The following ZMAT4 variants were observed in gnomAD, a reference collection of about 807,000 sequenced individuals.
ZMAT4 encodes zinc finger matrin-type 4.
A neutral mutation model predicts 28.7 loss-of-function variants in ZMAT4; 17 were observed. The ratio of observed to expected loss-of-function variants is 0.59; its 90% CI spans 0.41 to 0.89. ZMAT4 has a LOEUF of 0.89. ZMAT4 is among the 40% of genes least tolerant of loss of function. The probability of loss-of-function intolerance (pLI) is 0.00; values close to 1 mark genes in which losing one functional copy is unlikely to be tolerated. For synonymous variants in ZMAT4, 117 were observed against 109.2 expected (o/e 1.07, Z -0.44); for missense variants, 240 against 283.8 (o/e 0.85, Z 1.11).
At chr8:40,741,404 G>T (rs552282869) in intron 3 of ZMAT4, among the ~76,000 whole-genome samples, 25 of 149,252 alleles carry the variant, frequency 1.7e-4, no homozygotes, top group African/African-American at 5.7e-4. Flanking sequence ...CCTAAATTGC[G>T]CTACTTCACT....
intron 3 of ZMAT4, among the ~76,000 whole-genome samples, chr8:40,729,675 A>C (rs899065584): frequency 6.6e-6 from 1 of 150,398 alleles, no homozygotes; most frequent in African/African-American, 2.4e-5. Context: ...GCCCACTACA[A>C]CCTCCACCTC....
At chr8:40,777,693 C>T (rs145788475) in intron 2 of ZMAT4, among the ~76,000 whole-genome samples, 15 of 152,246 alleles carry the variant, frequency 9.9e-5, no homozygotes, top group African/African-American at 2.4e-4. Context: ...CCACTGATTT[C>T]GAGTGAGGTT....
intron 4 of ZMAT4, among the ~76,000 whole-genome samples, chr8:40,678,632 C>T (rs1809011281): frequency 6.6e-6 from 1 of 152,182 alleles, no homozygotes; most frequent in Admixed American, 6.5e-5. Context: ...TTAAATACCA[C>T]CTTGTAACCT....
chr8:40,708,646 A>ATTT lies in ZMAT4; in HGVS notation c.193-11248_193-11246dup, dbSNP rs11446729. On this transcript the variant is annotated intron_variant, in intron 3 of 6. Coordinates refer to ENST00000297737, the MANE Select transcript of ZMAT4 (RefSeq NM_024645.3). ...CTGTTAAGTTAGGAAAGCAATCTTG[A>ATTT]TTTTTTTTTTTTTTTTTGAGAGTGA... is the stretch of plus-strand genomic sequence containing the variant. Among the ~76,000 whole-genome samples the ATTT allele has an allele frequency of 7.4e-4, 73 of 98,368 alleles. 2 individuals carry two copies. Among genetic ancestry groups the ATTT allele is most frequent in the African/African-American group, 2.4e-3 (61 of 25,624 alleles). The allele number at this position is 98,368 out of a possible 152,430, so 64.5% of individuals were successfully genotyped here.
intron 6 of ZMAT4, among the ~76,000 whole-genome samples, chr8:40,532,860 G>C (rs1308733146): frequency 6.6e-6 from 1 of 151,980 alleles, no homozygotes; most frequent in Non-Finnish European, 1.5e-5. Context: ...GCTGGGCATG[G>C]TAGCATGCCT....
intron 3 of ZMAT4, among the ~76,000 whole-genome samples, chr8:40,741,266 G>A (rs951948586): frequency 4.6e-5 from 7 of 152,094 alleles, no homozygotes; most frequent in South Asian, 2.1e-4. Flanking sequence ...CTAACATGGC[G>A]AAACTCCATC....
At chr8:40,885,137 A>G (rs1046992714) in intron 1 of ZMAT4, among the ~76,000 whole-genome samples, 2 of 152,086 alleles carry the variant, frequency 1.3e-5, no homozygotes, top group African/African-American at 4.8e-5. Context: ...CCAAAACACA[A>G]CTATCTAGTG....
chr8:40,687,614 A>G (rs1265882180), intron 4 of ZMAT4, among the ~76,000 whole-genome samples: 2 of 152,150 alleles, frequency 1.3e-5, no homozygotes, highest in African/African-American at 2.4e-5. Context: ...GGTTTCATCA[A>G]TTGTATGGAC....
intron 5 of ZMAT4, 65 bp from the exon 6 acceptor site, chr8:40,581,326 C>T: frequency 7.3e-7 from 1 of 1,375,128 alleles, no homozygotes; most frequent in South Asian, 1.2e-5. Context: ...TGAATCCTAG[C>T]ATCTCCAGAA....
chr8:40,598,574 T>C (rs1805182576), intron 5 of ZMAT4, among the ~76,000 whole-genome samples: 1 of 152,174 alleles, frequency 6.6e-6, no homozygotes, highest in Admixed American at 6.5e-5. Flanking sequence ...TAGTATTCCA[T>C]GGTGTATGTG....
chr8:40,555,442 C>T (rs772542579), intron 6 of ZMAT4, among the ~76,000 whole-genome samples: 12 of 152,136 alleles, frequency 7.9e-5, no homozygotes, highest in African/African-American at 1.9e-4. Flanking sequence ...ACCACCATCA[C>T]GAAAATAGCA....
intron 1 of ZMAT4, among the ~76,000 whole-genome samples, chr8:40,879,573 A>C (rs575366316): frequency 2.2e-4 from 33 of 152,216 alleles, no homozygotes; most frequent in Middle Eastern, 3.4e-3. Flanking sequence ...ATAGTAAAAC[A>C]CTCACTTCCT....
chr8:40,570,753 A>ACAAATAC, intron 6 of ZMAT4, among the ~76,000 whole-genome samples: 1 of 152,236 alleles, frequency 6.6e-6, no homozygotes, highest in East Asian at 1.9e-4. Flanking sequence ...CAAACAAAAA[A>ACAAATAC]ACCTTGTGAA....
At chr8:40,650,643 A>G (rs1232192507) in intron 5 of ZMAT4, among the ~76,000 whole-genome samples, 1 of 127,746 alleles carries the variant, frequency 7.8e-6, no homozygotes, top group Non-Finnish European at 1.7e-5. Flanking sequence ...TTTTAGACCA[A>G]TATCCTTGAT....
At chr8:40,674,962 C>A in intron 4 of ZMAT4, 31 bp from the exon 5 acceptor site, 1 of 1,557,556 alleles carries the variant, frequency 6.4e-7, no homozygotes, top group East Asian at 2.2e-5. Flanking sequence ...AGAACCACAG[C>A]CACGTTAGTC....
chr8:40,559,141 C>A (rs1803647515), intron 6 of ZMAT4, among the ~76,000 whole-genome samples: 1 of 152,078 alleles, frequency 6.6e-6, no homozygotes, highest in African/African-American at 2.4e-5. Context: ...CTAACTGAGT[C>A]CTCCTGTTCT....
At chr8:40,636,030 C>T (rs1449533820) in intron 5 of ZMAT4, among the ~76,000 whole-genome samples, 1 of 152,126 alleles carries the variant, frequency 6.6e-6, no homozygotes, top group Non-Finnish European at 1.5e-5. Flanking sequence ...GTTTCCTATC[C>T]GACTGTTGTA....
At chr8:40,673,115 A>G (rs753403716) in intron 5 of ZMAT4, among the ~76,000 whole-genome samples, 2 of 152,172 alleles carry the variant, frequency 1.3e-5, no homozygotes, top group Non-Finnish European at 1.5e-5. Context: ...TTCTTCCATG[A>G]TGACTTCTTA....
At chr8:40,540,950 C>T (rs1004677872) in intron 6 of ZMAT4, among the ~76,000 whole-genome samples, 5 of 152,002 alleles carry the variant, frequency 3.3e-5, no homozygotes, top group African/African-American at 7.3e-5. Flanking sequence ...CAATATGTGC[C>T]CAAGAGTGAG....
Sources: allele counts gnomAD v4.1 joint callset (sites outside exome capture counted in the v4.1 genomes callset), GRCh38; gene constraint gnomAD v4.1.1; transcripts MANE v1.5; gene names NCBI Gene and HGNC (gene_info 2026-07-23, HGNC 2026-07-21).